Variants in SLCO2A1 observed in about 807,000 individuals in gnomAD.
SLCO2A1 encodes matrin F/G 1.
In SLCO2A1, 60 loss-of-function variants were observed where a neutral mutation model predicts 71.7. The observed-to-expected ratio is 0.84, with a 90% CI of 0.68 to 1.04. The LOEUF is 1.04. Ranked by LOEUF, SLCO2A1 falls within the 50% of genes least tolerant of loss-of-function variation. The pLI, the probability that SLCO2A1 is intolerant of heterozygous loss-of-function variation, is 0.00. For synonymous variants in SLCO2A1, 308 were observed against 326.7 expected, an observed-to-expected ratio of 0.94 and a Z score of 0.62; for missense variants, 745 against 813.4, an observed-to-expected ratio of 0.92 and a Z score of 1.02.
intron 1 of SLCO2A1, among the ~76,000 whole-genome samples, chr3:133,985,485 GAAA>G (rs1934692888): frequency 1.3e-5 from 2 of 152,078 alleles, no homozygotes; most frequent in African/African-American, 4.8e-5. Context: ...TTCACAAAAG[GAAA>G]AGAAAATGAA....
intron 3 of SLCO2A1, among the ~76,000 whole-genome samples, chr3:133,971,374 T>C (rs1934320878): frequency 1.3e-5 from 2 of 152,234 alleles, no homozygotes; most frequent in South Asian, 4.1e-4. Flanking sequence ...CCTCATCCTC[T>C]GCCCACCTGA....
At chr3:134,010,350 C>T (rs1298171877) in intron 1 of SLCO2A1, among the ~76,000 whole-genome samples, 2 of 151,874 alleles carry the variant, frequency 1.3e-5, no homozygotes, top group Non-Finnish European at 2.9e-5. Flanking sequence ...ACAATCATGG[C>T]GGATGGTGAA....
Position 133,948,887 on chromosome 3 carries a change from A to G in SLCO2A1, c.940+6T>C, listed in dbSNP as rs1398124009. ...CCAGCCCACCCAGGGCTGTAGGGTC[A>G]GTTACGTTTAATGAAATCCACCAGG... is the stretch of plus-strand genomic sequence containing the variant. On this transcript the variant is annotated splice_donor_region_variant and intron_variant, in intron 7 of 13. Transcript: ENST00000310926. 1.2e-6 allele frequency: 2 copies of G among 1,613,750 alleles called. No individual in the cohort carries two copies. The highest frequency in any genetic ancestry group is 8.5e-7 in the Non-Finnish European group (1 of 1,179,684).
chr3:133,941,270 A>AATT (rs148216982), intron 11 of SLCO2A1, among the ~76,000 whole-genome samples: 73 of 152,158 alleles, frequency 4.8e-4, no homozygotes, highest in South Asian at 8.3e-4. Flanking sequence ...GCTAGCTGTG[A>AATT]ATTATTATTA....
chr3:133,956,247 G>C (rs554142788), intron 3 of SLCO2A1, among the ~76,000 whole-genome samples: 1 of 152,296 alleles, frequency 6.6e-6, no homozygotes, highest in Non-Finnish European at 1.5e-5. Flanking sequence ...ACCGAGCGCC[G>C]TAGACTAGCC....
intron 1 of SLCO2A1, among the ~76,000 whole-genome samples, chr3:133,985,895 C>T (rs1934702644): frequency 6.6e-6 from 1 of 152,204 alleles, no homozygotes; most frequent in South Asian, 2.1e-4. Context: ...CCCTTTGGTG[C>T]TGCTTCTGAT....
At chr3:133,955,576 G>A (rs1379515881) in intron 3 of SLCO2A1, among the ~76,000 whole-genome samples, 1 of 152,106 alleles carries the variant, frequency 6.6e-6, no homozygotes, top group African/African-American at 2.4e-5. Flanking sequence ...GGGGGAGGGG[G>A]TCCAGGGTCA....
At chr3:133,982,455 G>A (rs1934616626) in intron 1 of SLCO2A1, among the ~76,000 whole-genome samples, 1 of 152,186 alleles carries the variant, frequency 6.6e-6, no homozygotes, top group Admixed American at 6.5e-5. Context: ...CTGTCTGCTA[G>A]ACGTATCCAC....
chr3:133,976,002 C>T (rs1045085504), intron 2 of SLCO2A1, among the ~76,000 whole-genome samples: 3 of 152,196 alleles, frequency 2.0e-5, no homozygotes, highest in Admixed American at 1.3e-4. Flanking sequence ...AGATTTTTGT[C>T]TGTTCATTCC....
At chr3:133,939,220 CCTT>C (rs1214297300) in intron 11 of SLCO2A1, among the ~76,000 whole-genome samples, 3 of 152,208 alleles carry the variant, frequency 2.0e-5, no homozygotes, top group African/African-American at 7.2e-5. Context: ...TAACCATCTT[CCTT>C]CAAGAGAGGA....
chr3:133,955,681 C>T (rs540561803), intron 3 of SLCO2A1, among the ~76,000 whole-genome samples: 1 of 152,314 alleles, frequency 6.6e-6, no homozygotes, highest in East Asian at 1.9e-4. Context: ...CATGCTGTTG[C>T]ACCGGGTTGG....
intron 1 of SLCO2A1, among the ~76,000 whole-genome samples, chr3:134,009,431 T>G (rs1576457898): frequency 6.6e-6 from 1 of 152,258 alleles, no homozygotes; most frequent in Non-Finnish European, 1.5e-5. Flanking sequence ...TAGATGGATG[T>G]CCCATGATTT....
intron 4 of SLCO2A1, among the ~76,000 whole-genome samples, chr3:133,954,045 G>A (rs1302048291): frequency 6.6e-6 from 1 of 152,080 alleles, no homozygotes; most frequent in Non-Finnish European, 1.5e-5. Flanking sequence ...TGCTCCCTGT[G>A]GGTACGATGC....
intron 3 of SLCO2A1, among the ~76,000 whole-genome samples, chr3:133,960,203 G>C (rs946201863): frequency 4.6e-5 from 7 of 152,136 alleles, no homozygotes; most frequent in Non-Finnish European, 8.8e-5. Context: ...TTCCACTTCT[G>C]AGTATATACC....
intron 1 of SLCO2A1, among the ~76,000 whole-genome samples, chr3:133,981,111 C>T (rs1934577467): frequency 6.6e-6 from 1 of 152,226 alleles, no homozygotes; most frequent in Admixed American, 6.5e-5. Context: ...AGTGCCCAAC[C>T]CATGCCCTGT....
chr3:134,006,981 A>T (rs994363860), intron 1 of SLCO2A1, among the ~76,000 whole-genome samples: 4 of 152,186 alleles, frequency 2.6e-5, no homozygotes, highest in Non-Finnish European at 5.9e-5. Context: ...CCTCAAAAAC[A>T]CTTGTTATAT....
At position 133,932,931 on chromosome 3, in the gene SLCO2A1, G is replaced by A. The variant is rs1304331691; in HGVS notation, c.*1782C>T. ...TAAAACTGGCCCCTGAGGTTACATT[G>A]AGCCTCCCTTCCTGAGTGAGATGTT... On this transcript the variant is annotated 3_prime_UTR_variant, in exon 14 of 14. Transcript: ENST00000310926. 1.3e-5 allele frequency: 2 copies of A among 152,608 alleles called. No homozygotes were observed. The highest frequency in any genetic ancestry group is 2.9e-5 in the Non-Finnish European group (2 of 68,042). 9.5% of individuals were successfully genotyped at this position (152,608 alleles called of 1,614,324 possible).
intron 10 of SLCO2A1, among the ~76,000 whole-genome samples, chr3:133,944,348 C>T (rs73861267): frequency 0.02 from 3,049 of 152,336 alleles, 110 homozygotes; most frequent in African/African-American, 0.067. Flanking sequence ...ACCATCACAT[C>T]CTCAGCACTC....
At chr3:134,028,498 G>A (rs1232168211) in intron 1 of SLCO2A1, among the ~76,000 whole-genome samples, 1 of 152,090 alleles carries the variant, frequency 6.6e-6, no homozygotes, top group African/African-American at 2.4e-5. Context: ...TATTTATTGC[G>A]GTGCGGAAAG....
Sources: allele counts gnomAD v4.1 joint callset (sites outside exome capture counted in the v4.1 genomes callset), GRCh38; gene constraint gnomAD v4.1.1; transcripts MANE v1.5; gene names NCBI Gene and HGNC (gene_info 2026-07-23, HGNC 2026-07-21).